SPAG1: variants seen among roughly 807,000 people sequenced by gnomAD.
SPAG1 encodes sperm-associated antigen 1.
A neutral mutation model predicts 100.5 loss-of-function variants in SPAG1; 69 were observed. That is an observed-to-expected ratio of 0.69 (90% CI 0.57 to 0.84). The LOEUF (loss-of-function observed/expected upper bound fraction) is 0.84. Among genes scored for constraint, SPAG1 ranks in the 40% least tolerant of loss-of-function variants. The pLI is 0.00. For missense variants in SPAG1, 955 were observed against 1,133.1 expected, an observed-to-expected ratio of 0.84 and a Z score of 2.26; for synonymous variants, 336 against 411.6, an observed-to-expected ratio of 0.82 and a Z score of 2.22.
At chr8:100,206,155 T>C (rs992218929) in intron 10 of SPAG1, among the ~76,000 whole-genome samples, 3 of 151,826 alleles carry the variant, frequency 2.0e-5, no homozygotes, top group Admixed American at 6.6e-5. Flanking sequence ...CAGTGGATTA[T>C]TGTAAGCTTA....
In SPAG1 at chr8:100,213,421, G is replaced by T; in HGVS notation, c.1428G>T (p.Glu476Asp). ...ACTCGGCGGCAATCGCGCTCCTGGA[G>T]CCAGCAGGTAGGTGCGCCGCGCCCC... ...GKYSAAIALL[E>D]PAGSEIADDL... Residue 476 changes from glutamate to aspartate, a missense_variant, in exon 11 of 19, where the codon GAG (glutamate) becomes GAT (aspartate). Coordinates refer to ENST00000388798, the MANE Select transcript of SPAG1 (RefSeq NM_003114.5). The T allele has an allele frequency of 7.0e-7, 1 of 1,418,688 alleles. No individual in the cohort carries two copies. The highest frequency in any genetic ancestry group is 9.2e-7 in the Non-Finnish European group (1 of 1,087,384). 87.9% of individuals were successfully genotyped at this position (1,418,688 alleles called of 1,614,324 possible).
At chr8:100,219,366 A>G (rs190749239) in intron 12 of SPAG1, among the ~76,000 whole-genome samples, 107 of 152,348 alleles carry the variant, frequency 7.0e-4, no homozygotes, top group Middle Eastern at 3.4e-3. Context: ...TGCAGATGTT[A>G]GTTAGGTTAT....
intron 14 of SPAG1, among the ~76,000 whole-genome samples, chr8:100,227,112 T>C (rs1818550198): frequency 6.6e-6 from 1 of 152,236 alleles, no homozygotes; most frequent in African/African-American, 2.4e-5. Context: ...TCTATGATGT[T>C]TGCACAATAG....
intron 15 of SPAG1, among the ~76,000 whole-genome samples, chr8:100,231,961 C>CAA (rs528009916): frequency 0.068 from 9,286 of 137,500 alleles, 493 homozygotes; most frequent in African/African-American, 0.15. Context: ...GACTCTGTCT[C>CAA]AAAAAAAAAA....
intron 1 of SPAG1, among the ~76,000 whole-genome samples, chr8:100,161,550 A>C (rs1485697511): frequency 6.6e-6 from 1 of 152,112 alleles, no homozygotes; most frequent in Non-Finnish European, 1.5e-5. Context: ...TGGGCCTTAA[A>C]GCATGACAAA....
intron 10 of SPAG1, among the ~76,000 whole-genome samples, chr8:100,202,677 T>C (rs1215378496): frequency 8.9e-6 from 1 of 112,776 alleles, no homozygotes; most frequent in Admixed American, 1.4e-4. Context: ...GCCACTGCAC[T>C]CCAGCCTGGG....
chr8:100,166,112 C>T (rs553843499), intron 3 of SPAG1, 139 bp downstream of exon 3: 17 of 674,278 alleles, frequency 2.5e-5, no homozygotes, highest in Admixed American at 1.3e-4. Context: ...TTGCTTTTTA[C>T]ACCCAGGGGA....
intron 7 of SPAG1, 94 bp from the exon 8 acceptor site, chr8:100,187,026 T>C: frequency 8.1e-7 from 1 of 1,241,454 alleles, no homozygotes; most frequent in Non-Finnish European, 1.1e-6. Context: ...CATAGACAGG[T>C]TATAATTGTT....
At position 100,231,173 on chromosome 8, in the gene SPAG1, G is replaced by A. The variant is rs1460831108; in HGVS notation, c.1873G>A (p.Ala625Thr). ...QGITDEKTFK[A>T]LKEEGNQCVN... Reference sequence around the variant, plus strand: ...TCCCATAGATGAAAAAACATTTAAAGCCCTTAAGGAAGAAGGAAATCAATG... The same window carrying A: ...TCCCATAGATGAAAAAACATTTAAAACCCTTAAGGAAGAAGGAAATCAATG... Residue 625 changes from alanine to threonine, a missense_variant, in exon 15 of 19, where the codon GCC becomes ACC. Ala to Thr is a moderately conservative substitution (Grantham distance 58). Transcript: ENST00000388798. 50 of 1,604,520 alleles carry A rather than the reference G, an allele frequency of 3.1e-5. No homozygotes were observed. The highest frequency in any genetic ancestry group is 4.3e-5 in the Non-Finnish European group (50 of 1,175,276).
At chr8:100,226,460 G>A (rs1818517462) in intron 14 of SPAG1, among the ~76,000 whole-genome samples, 1 of 152,156 alleles carries the variant, frequency 6.6e-6, no homozygotes, top group South Asian at 2.1e-4. Flanking sequence ...TGTAATCCCA[G>A]CACTTTGGGA....
intron 7 of SPAG1, among the ~76,000 whole-genome samples, 199 bp from the exon 8 acceptor site, chr8:100,186,921 G>A (rs1816610799): frequency 6.6e-6 from 1 of 151,994 alleles, no homozygotes; most frequent in Non-Finnish European, 1.5e-5. Context: ...ACCTTAATTA[G>A]CTTTTTAAAG....
intron 3 of SPAG1, among the ~76,000 whole-genome samples, chr8:100,168,559 A>T (rs1421974814): frequency 3.5e-4 from 48 of 136,934 alleles, no homozygotes; most frequent in East Asian, 2.1e-4. Flanking sequence ...ACACCTGGCT[A>T]TTTTTTTTTT....
Position 100,236,954 on chromosome 8 carries a change from A to G in SPAG1, c.2116-2286A>G, listed in dbSNP as rs561997775. 4.6e-5 allele frequency among the ~76,000 whole-genome samples: 7 copies of G among 152,360 alleles called. 1 individual carries two copies. Among genetic ancestry groups the G allele is most frequent in the African/African-American group, 1.7e-4 (7 of 41,592 alleles). Reference sequence around the variant, plus strand: ...TTGCTTTTATGGTTTCAGCAAAACTATTAATGGTAAATATCACAAACACGT... The same window carrying G: ...TTGCTTTTATGGTTTCAGCAAAACTGTTAATGGTAAATATCACAAACACGT... On this transcript the variant is annotated intron_variant, in intron 16 of 18. Coordinates refer to ENST00000388798, the MANE Select transcript of SPAG1 (RefSeq NM_003114.5).
chr8:100,158,695 A>C (rs1228264697), intron 1 of SPAG1, 79 bp downstream of exon 1: 1 of 152,232 alleles, frequency 6.6e-6, no homozygotes, highest in Non-Finnish European at 1.5e-5. Flanking sequence ...GCTAGGATCG[A>C]AGGTTTTCCC....
At chr8:100,177,988 T>G in intron 4 of SPAG1, 47 bp downstream of exon 4, 1 of 1,555,086 alleles carries the variant, frequency 6.4e-7, no homozygotes, top group Non-Finnish European at 8.8e-7. Context: ...AGAGGATTGC[T>G]GCTGTTTATT....
chr8:100,233,439 T>C lies in SPAG1; in HGVS notation c.2017T>C (p.Phe673Leu). The change falls in exon 16 of 19, where the codon TTT becomes CTT. Residue 673 changes from phenylalanine (F) to leucine (L), a missense_variant. Coordinates refer to ENST00000388798, the MANE Select transcript of SPAG1 (RefSeq NM_003114.5). ...TCTCTGTTACTTGAAGCTGTGCCAG[T>C]TTGAAGAAGCAAAGCAGGACTGTGA... ...RALCYLKLCQ[F>L]EEAKQDCDQA... is the part of the protein sequence containing the mutation. 1 of 1,614,114 alleles carries C rather than the reference T, an allele frequency of 6.2e-7. No individual in the cohort carries two copies. Among genetic ancestry groups the C allele is most frequent in the Non-Finnish European group, 8.5e-7 (1 of 1,179,960 alleles).
intron 4 of SPAG1, 123 bp from the exon 5 acceptor site, chr8:100,183,252 C>T (rs3019103): frequency 4.7e-5 from 24 of 510,976 alleles, no homozygotes; most frequent in Middle Eastern, 5.0e-4. Flanking sequence ...GGATTACAGG[C>T]GTGAGTCCCC....
chr8:100,229,062 A>C (rs1818644778), intron 14 of SPAG1, among the ~76,000 whole-genome samples: 1 of 152,206 alleles, frequency 6.6e-6, no homozygotes, highest in Non-Finnish European at 1.5e-5. Flanking sequence ...TTACATCTGC[A>C]CATATCAGTG....
intron 10 of SPAG1, among the ~76,000 whole-genome samples, chr8:100,208,223 C>T (rs1336128418): frequency 6.6e-6 from 1 of 152,192 alleles, no homozygotes; most frequent in Non-Finnish European, 1.5e-5. Context: ...CTTTGTGCTC[C>T]TCCTACCTTT....
Sources: allele counts gnomAD v4.1 joint callset (sites outside exome capture counted in the v4.1 genomes callset), GRCh38; gene constraint gnomAD v4.1.1; transcripts MANE v1.5; gene names NCBI Gene and HGNC (gene_info 2026-07-23, HGNC 2026-07-21).